Variants in PARD6G observed in about 807,000 individuals in gnomAD.
PARD6G encodes par-6 family cell polarity regulator gamma, also known as partitioning defective 6 homolog gamma.
Under a neutral mutation model 10.7 loss-of-function variants are expected in PARD6G, and 7 were observed. The observed-to-expected ratio is 0.66, with a 90% CI of 0.37 to 1.23. The LOEUF is 1.23. PARD6G is among the 50% of genes most tolerant of loss of function. The pLI, the probability that PARD6G is intolerant of heterozygous loss-of-function variation, is 0.02. For synonymous variants in PARD6G, 287 were observed against 269.4 expected (o/e 1.07, Z -0.64); for missense variants, 548 against 571.8 (o/e 0.96, Z 0.42).
At position 80,202,937 on chromosome 18, in the gene PARD6G, AATGCAAGAGACGGGGTGGGGGGAGGGG is replaced by A; in HGVS notation, c.73-32_73-6del. ...CCTTCGGAATTCCGCCCCAAACTAC[AATGCAAGAGACGGGGTGGGGGGAGGGG>A]CATTAATAAATACCAGAGAAATATC... On this transcript the variant is annotated splice_polypyrimidine_tract_variant and splice_region_variant and intron_variant, in intron 1 of 2. Coordinates refer to ENST00000353265, the MANE Select transcript of PARD6G (RefSeq NM_032510.4). 1.5e-6 allele frequency: 1 copy of A among 674,436 alleles called. No individual in the cohort carries two copies. Among genetic ancestry groups the A allele is most frequent in the Non-Finnish European group, 2.4e-6 (1 of 416,306 alleles). The allele number at this position is 674,436 out of a possible 1,614,324, so 41.8% of individuals were successfully genotyped here.
chr18:80,236,863 T>C (rs1599877951), intron 1 of PARD6G, among the ~76,000 whole-genome samples: 1 of 152,252 alleles, frequency 6.6e-6, no homozygotes, highest in East Asian at 1.9e-4. Context: ...TACAAACAAA[T>C]GGAAGAACAT....
At chr18:80,216,801 A>G (rs1967172136) in intron 1 of PARD6G, among the ~76,000 whole-genome samples, 1 of 152,158 alleles carries the variant, frequency 6.6e-6, no homozygotes, top group Non-Finnish European at 1.5e-5. Context: ...AAAAACAGAG[A>G]AAGTGACAAA....
intron 1 of PARD6G, among the ~76,000 whole-genome samples, chr18:80,208,500 T>G (rs1364654643): frequency 6.6e-6 from 1 of 152,218 alleles, no homozygotes; most frequent in Non-Finnish European, 1.5e-5. Context: ...CAACATCTGC[T>G]GGGCTTCATT....
At chr18:80,245,573 G>A (rs571595230) in intron 1 of PARD6G, among the ~76,000 whole-genome samples, 24 of 152,188 alleles carry the variant, frequency 1.6e-4, no homozygotes, top group South Asian at 6.2e-4. Context: ...CAGGGAGGCT[G>A]AGCAAAGGCT....
chr18:80,204,977 G>A (rs1967042083), intron 1 of PARD6G, among the ~76,000 whole-genome samples: 1 of 151,854 alleles, frequency 6.6e-6, no homozygotes, highest in Non-Finnish European at 1.5e-5. Context: ...AATAACAATA[G>A]TTTGGGAAAA....
chr18:80,159,213 C>T lies in PARD6G; in HGVS notation c.*558G>A, dbSNP rs2052677114. ...CCATGTTGGCCATGCTGGTCTCGACCTCCTGACCTCGTGATCAGCCCACGT... is the reference window on the plus strand; with the variant it reads ...CCATGTTGGCCATGCTGGTCTCGACTTCCTGACCTCGTGATCAGCCCACGT... On this transcript the variant is annotated 3_prime_UTR_variant, in exon 3 of 3. Coordinates refer to ENST00000353265, the MANE Select transcript of PARD6G (RefSeq NM_032510.4). 6.6e-6 allele frequency: 1 copy of T among 152,120 alleles called. No individual in the cohort carries two copies. The highest frequency in any genetic ancestry group is 1.5e-5 in the Non-Finnish European group (1 of 68,014). The allele number at this position is 152,120 out of a possible 1,614,324, so 9.4% of individuals were successfully genotyped here.
chr18:80,198,238 T>C (rs1363081014), intron 2 of PARD6G, among the ~76,000 whole-genome samples: 1 of 152,184 alleles, frequency 6.6e-6, no homozygotes, highest in Non-Finnish European at 1.5e-5. Context: ...GCTCTTAACC[T>C]GGTATAAGCC....
At chr18:80,226,909 T>C (rs553827379) in intron 1 of PARD6G, among the ~76,000 whole-genome samples, 1 of 152,214 alleles carries the variant, frequency 6.6e-6, no homozygotes, top group Non-Finnish European at 1.5e-5. Flanking sequence ...TACAATCACA[T>C]AGCAGGCACT....
At chr18:80,174,485 C>T (rs1216518175) in intron 2 of PARD6G, among the ~76,000 whole-genome samples, 2 of 151,994 alleles carry the variant, frequency 1.3e-5, no homozygotes, top group Admixed American at 6.6e-5. Flanking sequence ...CTTTTAATCA[C>T]GTTTTCCACT....
In PARD6G at chr18:80,181,556, G is replaced by T. The variant is rs556102039; in HGVS notation, c.296-20950C>A. Among the ~76,000 whole-genome samples, 14 of 152,216 alleles carry T rather than the reference G, an allele frequency of 9.2e-5. No homozygotes were observed. The East Asian group carries it at 2.7e-3, about 29-fold the overall frequency. ...CATCTCTGCTTCCAAAGTCCGGTAGGTGTGCCCTTCCCCTAAACTCAGCAG... is the reference window on the plus strand; with the variant it reads ...CATCTCTGCTTCCAAAGTCCGGTAGTTGTGCCCTTCCCCTAAACTCAGCAG... On this transcript the variant is annotated intron_variant, in intron 2 of 2. Transcript: ENST00000353265. The surrounding 1 kb of genome is among the most constrained non-coding windows in gnomAD (Gnocchi z 7.9).
chr18:80,242,346 T>C (rs1390035853), intron 1 of PARD6G, among the ~76,000 whole-genome samples: 1 of 152,238 alleles, frequency 6.6e-6, no homozygotes, highest in Non-Finnish European at 1.5e-5. Flanking sequence ...AGGAGGCAAG[T>C]GTCAGCCACC....
rs1397076088 is a variant in PARD6G at position 80,246,150 on chromosome 18, C to CGGGA, written c.72+1126_72+1127insTCCC. On this transcript the variant is annotated intron_variant, in intron 1 of 2. Transcript: ENST00000353265. This position sits in a 1 kb window ranked among gnomAD's most constrained non-coding sequence, Gnocchi z 6.7. ...ATAGGCACACAGTTAGGGGTGCGGG[C>CGGGA]TCCCACTCCGCCGTTAGGAGCCTTT... Among the ~76,000 whole-genome samples the CGGGA allele has an allele frequency of 6.6e-6, 1 of 152,098 alleles. No individual in the cohort carries two copies. The highest frequency in any genetic ancestry group is 2.4e-5 in the African/African-American group (1 of 41,424).
At chr18:80,186,699 A>G (rs1347672013) in intron 2 of PARD6G, among the ~76,000 whole-genome samples, 1 of 152,160 alleles carries the variant, frequency 6.6e-6, no homozygotes, top group Non-Finnish European at 1.5e-5. Flanking sequence ...GCTAATCAGC[A>G]TTTCGTCTGT....
chr18:80,215,361 T>C (rs951620352), intron 1 of PARD6G, among the ~76,000 whole-genome samples: 2 of 152,194 alleles, frequency 1.3e-5, no homozygotes, highest in Non-Finnish European at 2.9e-5. Flanking sequence ...AAAATGATAG[T>C]ATAAATGTAT....
chr18:80,161,267 A>G lies in PARD6G; in HGVS notation c.296-661T>C, dbSNP rs943169360. On this transcript the variant is annotated intron_variant, in intron 2 of 2. Transcript: ENST00000353265. The surrounding 1 kb of genome is among the most constrained non-coding windows in gnomAD (Gnocchi z 4.6). Reference sequence around the variant, plus strand: ...GTCCCGCACAGTCAGTGCTATTTGTAGGCACATGGAGCCTCAAGGCTCACC... The same window carrying G: ...GTCCCGCACAGTCAGTGCTATTTGTGGGCACATGGAGCCTCAAGGCTCACC... Among the ~76,000 whole-genome samples, 3 of 152,022 alleles carry G rather than the reference A, an allele frequency of 2.0e-5. No individual in the cohort carries two copies. The highest frequency in any genetic ancestry group is 2.9e-5 in the Non-Finnish European group (2 of 67,994).
chr18:80,246,637 G>T lies in PARD6G; in HGVS notation c.72+640C>A, dbSNP rs1255648059. Among the ~76,000 whole-genome samples the T allele has an allele frequency of 6.7e-6, 1 of 149,236 alleles. No homozygotes were observed. Among genetic ancestry groups the T allele is most frequent in the Non-Finnish European group, 1.5e-5 (1 of 66,910 alleles). The stretch of plus-strand genomic sequence containing the variant: ...GGGGTGGGGGCGCGCCCGTGGGGGT[G>T]GGGTGGGGTGTCTGGCCCGGGGACG... On this transcript the variant is annotated intron_variant, in intron 1 of 2. Transcript: ENST00000353265. This position sits in a 1 kb window ranked among gnomAD's most constrained non-coding sequence, Gnocchi z 6.7.
intron 1 of PARD6G, among the ~76,000 whole-genome samples, chr18:80,218,197 A>C (rs960931963): frequency 2.0e-5 from 3 of 152,134 alleles, no homozygotes; most frequent in African/African-American, 7.2e-5. Context: ...CCAAAGTCTT[A>C]ACTCATTCCA....
At chr18:80,244,612 G>T (rs760475981) in intron 1 of PARD6G, among the ~76,000 whole-genome samples, 1 of 152,172 alleles carries the variant, frequency 6.6e-6, no homozygotes, top group Non-Finnish European at 1.5e-5. Flanking sequence ...ATCTTGATAG[G>T]TAAGCAGAAA....
intron 1 of PARD6G, among the ~76,000 whole-genome samples, chr18:80,234,272 C>A (rs1022971201): frequency 6.6e-6 from 1 of 152,108 alleles, no homozygotes; most frequent in African/African-American, 2.4e-5. Flanking sequence ...ACCAGAGGGA[C>A]CCCAGAGATT....
Sources: allele counts gnomAD v4.1 joint callset (sites outside exome capture counted in the v4.1 genomes callset), GRCh38; gene constraint gnomAD v4.1.1; non-coding constraint Gnocchi (gnomAD v3.1); transcripts MANE v1.5; gene names NCBI Gene and HGNC (gene_info 2026-07-23, HGNC 2026-07-21).